TIAL1: variants seen among roughly 807,000 people sequenced by gnomAD.
The protein encoded by TIAL1 is nucleolysin TIAR.
In TIAL1, 7 loss-of-function variants were observed where a neutral mutation model predicts 59.7. The ratio of observed to expected loss-of-function variants is 0.12; its 90% CI spans 0.07 to 0.22. The LOEUF is 0.22. Among genes scored for constraint, TIAL1 ranks in the 10% least tolerant of loss-of-function variants. The probability of loss-of-function intolerance (pLI) is 1.00; values close to 1 mark genes in which losing one functional copy is unlikely to be tolerated. For missense variants in TIAL1, 225 were observed against 462.5 expected (o/e 0.49, Z 4.71); for synonymous variants, 149 against 146.3 (o/e 1.02, Z -0.13).
rs1240308415 is a variant in TIAL1 at position 119,582,408 on chromosome 10, T to C, written c.228+51A>G. 6.5e-7 allele frequency: 1 copy of C among 1,534,948 alleles called. No individual in the cohort carries two copies. Among genetic ancestry groups the C allele is most frequent in the Non-Finnish European group, 8.7e-7 (1 of 1,147,852 alleles). On this transcript the variant is annotated intron_variant, in intron 3 of 11. Transcript: ENST00000436547. This position sits in a 1 kb window ranked among gnomAD's most constrained non-coding sequence, Gnocchi z 5.1. ...TTGCCTAGAAAGAATACAAACTAGT[T>C]TGACATGCAAATATATGTACTCATA...
At chr10:119,591,834 G>A (rs964845727) in intron 1 of TIAL1, 1 of 152,080 alleles carries the variant, frequency 6.6e-6, no homozygotes, top group Admixed American at 6.5e-5. Context: ...TTGCCTTCGT[G>A]CATCATAACA....
Position 119,575,417 on chromosome 10 carries a change from TTTA to T in TIAL1, c.*245_*247del, listed in dbSNP as rs1330378389. On this transcript the variant is annotated 3_prime_UTR_variant, in exon 12 of 12. Transcript: ENST00000436547. Reference sequence around the variant, plus strand: ...ATCAAAATTTGTAGTCAGAATTGTCTTTATTGACTTTATTTTAGTTTTTGTACA... The same window carrying T: ...ATCAAAATTTGTAGTCAGAATTGTCTTTGACTTTATTTTAGTTTTTGTACA... 5.8e-6 allele frequency: 2 copies of T among 345,306 alleles called. No individual in the cohort carries two copies. The highest frequency in any genetic ancestry group is 1.0e-5 in the Non-Finnish European group (2 of 190,496). 21.4% of individuals were successfully genotyped at this position (345,306 alleles called of 1,614,324 possible).
At chr10:119,588,351 CTTTT>C (rs869281288) in intron 1 of TIAL1, 103 bp from the exon 2 acceptor site, 7 of 212,132 alleles carry the variant, frequency 3.3e-5, no homozygotes, top group South Asian at 1.9e-4. Context: ...TTCTTTCTTT[CTTTT>C]TTTTTTAGAT....
Position 119,582,311 on chromosome 10 carries a change from G to GTTTACAATA in TIAL1, c.229-89_229-88insTATTGTAAA. Reference sequence around the variant, plus strand: ...CTTATTAAATCATTTATCAAGCAGGGTTATTTTTGTAAAAGCACTAAGCTG... The same window carrying GTTTACAATA: ...CTTATTAAATCATTTATCAAGCAGGGTTTACAATATTATTTTTGTAAAAGCACTAAGCTG... On this transcript the variant is annotated intron_variant, in intron 3 of 11. Transcript: ENST00000436547. This position sits in a 1 kb window ranked among gnomAD's most constrained non-coding sequence, Gnocchi z 5.1. 6.8e-7 allele frequency: 1 copy of GTTTACAATA among 1,468,502 alleles called. No homozygotes were observed. Among genetic ancestry groups the GTTTACAATA allele is most frequent in the Non-Finnish European group, 9.2e-7 (1 of 1,087,916 alleles). 91.0% of individuals were successfully genotyped at this position (1,468,502 alleles called of 1,614,324 possible).
rs1215600675 is a variant in TIAL1 at position 119,574,707 on chromosome 10, A to C, written c.*958T>G. The C allele has an allele frequency of 6.6e-6, 1 of 152,378 alleles. No individual in the cohort carries two copies. The highest frequency in any genetic ancestry group is 2.1e-4 in the South Asian group (1 of 4,814). The allele number at this position is 152,378 out of a possible 1,614,324, so 9.4% of individuals were successfully genotyped here. ...AAGGCTTTTTCTGCACAATTTGTGT[A>C]ATTTTAATTTTACATAGTAGCCAAC... On this transcript the variant is annotated 3_prime_UTR_variant, in exon 12 of 12. Coordinates refer to ENST00000436547, the MANE Select transcript of TIAL1 (RefSeq NM_003252.4).
Position 119,574,707 on chromosome 10 carries a change from A to G in TIAL1, c.*958T>C, listed in dbSNP as rs1215600675. ...AAGGCTTTTTCTGCACAATTTGTGT[A>G]ATTTTAATTTTACATAGTAGCCAAC... On this transcript the variant is annotated 3_prime_UTR_variant, in exon 12 of 12. Transcript: ENST00000436547. 1 of 152,378 alleles carries G rather than the reference A, an allele frequency of 6.6e-6. No homozygotes were observed. Among genetic ancestry groups the G allele is most frequent in the Non-Finnish European group, 1.5e-5 (1 of 67,972 alleles). 9.4% of individuals were successfully genotyped at this position (152,378 alleles called of 1,614,324 possible).
At chr10:119,579,281 T>C (rs1476741396) in intron 6 of TIAL1, among the ~76,000 whole-genome samples, 2 of 152,062 alleles carry the variant, frequency 1.3e-5, no homozygotes, top group South Asian at 2.1e-4. Context: ...GAGGTTGCAG[T>C]GGGCTGAGAT....
intron 1 of TIAL1, among the ~76,000 whole-genome samples, chr10:119,591,629 T>C (rs1287614528): frequency 6.6e-6 from 1 of 152,182 alleles, no homozygotes; most frequent in Non-Finnish European, 1.5e-5. Flanking sequence ...AAAAGTTAAA[T>C]GTTAAGCAGC....
At chr10:119,576,947 A>C (rs2133987892) in intron 10 of TIAL1, 133 bp downstream of exon 10, 1 of 1,369,248 alleles carries the variant, frequency 7.3e-7, no homozygotes, top group Non-Finnish European at 9.9e-7. Flanking sequence ...TACCGCAAAT[A>C]ATCAATTTTG....
intron 5 of TIAL1, 22 bp downstream of exon 5, chr10:119,581,900 T>C: frequency 1.3e-6 from 2 of 1,544,894 alleles, no homozygotes; most frequent in Non-Finnish European, 1.8e-6. Flanking sequence ...TGACTGAGTG[T>C]AGTACTGATT....
At chr10:119,578,960 A>G in intron 6 of TIAL1, 126 bp from the exon 7 acceptor site, 1 of 686,082 alleles carries the variant, frequency 1.5e-6, no homozygotes, top group Non-Finnish European at 2.5e-6. Flanking sequence ...AAATATCCTA[A>G]ACAAAACGAA....
intron 8 of TIAL1, 49 bp downstream of exon 8, chr10:119,577,592 G>T: frequency 6.2e-7 from 1 of 1,605,456 alleles, no homozygotes; most frequent in South Asian, 1.1e-5. Flanking sequence ...AAATTCATAT[G>T]AACAGTGATG....
At chr10:119,588,375 C>G (rs1845680413) in intron 1 of TIAL1, 127 bp from the exon 2 acceptor site, 1 of 525,408 alleles carries the variant, frequency 1.9e-6, no homozygotes, top group African/African-American at 2.0e-5. Context: ...TGGAGTTTTG[C>G]TCTTGTTGCC....
rs750306424 is a variant in TIAL1 at position 119,576,646 on chromosome 10, G to A, written c.966C>T (p.Tyr322=). 1.9e-5 allele frequency: 31 copies of A among 1,613,908 alleles called. No homozygotes were observed. The highest frequency in any genetic ancestry group is 5.3e-5 in the African/African-American group (4 of 74,882). The change falls in exon 11 of 12, where the codon TAC becomes TAT. Residue 322 remains tyrosine, a synonymous_variant. Transcript: ENST00000436547. ...NGWQVPPYGV[Y]GQPWNQQGFG... is the part of the protein sequence containing the mutation. ...ATCCTTGTTGATTCCATGGTTGCCC[G>A]TATACTCCATAAGGCGGTACTTGCC... is the stretch of plus-strand genomic sequence containing the variant.
intron 1 of TIAL1, among the ~76,000 whole-genome samples, chr10:119,594,274 A>AT (rs111693035): frequency 4.6e-5 from 7 of 152,372 alleles, no homozygotes; most frequent in African/African-American, 1.7e-4. Context: ...GAGGAAGGAA[A>AT]TAAGTGACAA....
rs1844845154 is a variant in TIAL1 at position 119,574,235 on chromosome 10, CT to C, written c.*1429del. On this transcript the variant is annotated 3_prime_UTR_variant, in exon 12 of 12. Coordinates refer to ENST00000436547, the MANE Select transcript of TIAL1 (RefSeq NM_003252.4). ...TACCTTGAAAGCAAACCTCGGTCTT[CT>C]GCATCTTCCAATTGATTCCTTTACA... 1.3e-5 allele frequency: 2 copies of C among 152,486 alleles called. No homozygotes were observed. Among genetic ancestry groups the C allele is most frequent in the South Asian group, 2.1e-4 (1 of 4,832 alleles). 9.4% of individuals were successfully genotyped at this position (152,486 alleles called of 1,614,324 possible).
intron 1 of TIAL1, chr10:119,593,558 A>C: frequency 1.1e-6 from 1 of 907,996 alleles, no homozygotes; most frequent in Non-Finnish European, 1.3e-6. Flanking sequence ...CATCTTAAGG[A>C]AACAATTTAA....
At chr10:119,580,045 A>C (rs772287989) in intron 5 of TIAL1, 35 bp from the exon 6 acceptor site, 4 of 1,540,192 alleles carry the variant, frequency 2.6e-6, no homozygotes. Flanking sequence ...GAGGGAAGTA[A>C]GAGCCACCCT....
chr10:119,575,788 T>G lies in TIAL1; in HGVS notation c.1005A>C (p.Gln335His), dbSNP rs146242709. The change falls in exon 12 of 12, where the codon CAA becomes CAC. Residue 335 changes from glutamine to histidine, a missense_variant. Coordinates refer to ENST00000436547, the MANE Select transcript of TIAL1 (RefSeq NM_003252.4). The stretch of plus-strand genomic sequence containing the variant: ...CACCCATCCAAGCAGCAGAAGGTGA[T>G]TGACTTGGAAGAAAAAGAAAAAATC... ...PWNQQGFGVD[Q>H]SPSAAWMGGF... 12 of 1,532,158 alleles carry G rather than the reference T, an allele frequency of 7.8e-6. No homozygotes were observed. The highest frequency in any genetic ancestry group is 1.0e-5 in the Non-Finnish European group (12 of 1,145,570). 94.9% of individuals were successfully genotyped at this position (1,532,158 alleles called of 1,614,324 possible).
Sources: gnomAD v4.1 joint callset for allele counts (sites outside exome capture counted in the v4.1 genomes callset) on GRCh38, gnomAD v4.1.1 for gene constraint, Gnocchi (gnomAD v3.1) non-coding constraint, MANE v1.5 for transcripts, NCBI Gene and HGNC (gene_info 2026-07-23, HGNC 2026-07-21) for gene names.